Variants in SND1 observed in about 807,000 individuals in gnomAD.
The protein encoded by SND1 is staphylococcal nuclease and tudor domain containing 1.
In SND1, 38 loss-of-function variants were observed where a neutral mutation model predicts 121.7. The observed-to-expected ratio is 0.31, with a 90% CI of 0.24 to 0.41. The LOEUF is 0.41. SND1 is among the 10% of genes least tolerant of loss of function. The pLI is 1.00. For missense variants in SND1, 868 were observed against 1,184.6 expected, an observed-to-expected ratio of 0.73 and a Z score of 3.92; for synonymous variants, 401 against 447.4, an observed-to-expected ratio of 0.90 and a Z score of 1.31.
At chr7:128,039,504 C>A (rs1282593857) in intron 16 of SND1, among the ~76,000 whole-genome samples, 1 of 151,290 alleles carries the variant, frequency 6.6e-6, no homozygotes, top group African/African-American at 2.4e-5. Flanking sequence ...TTTTTTAATA[C>A]TGGAAAAATG....
At chr7:127,948,493 A>G (rs992229217) in intron 15 of SND1, among the ~76,000 whole-genome samples, 6 of 152,230 alleles carry the variant, frequency 3.9e-5, no homozygotes, top group Non-Finnish European at 1.5e-5. Flanking sequence ...GACAGCTTAG[A>G]AGACCGTCTG....
At chr7:127,985,126 C>T (rs1315721966) in intron 15 of SND1, among the ~76,000 whole-genome samples, 1 of 152,222 alleles carries the variant, frequency 6.6e-6, no homozygotes, top group Non-Finnish European at 1.5e-5. Flanking sequence ...CCACCTTCTG[C>T]ACTGACTTCC....
rs770509103 is a variant in SND1, at chr7:128,030,431, C to A, written c.1779+39375C>A. On this transcript the variant is annotated intron_variant, in intron 16 of 23. Transcript: ENST00000354725. ...ACCGGGTGTTCGAGGGAATACCCTG[C>A]GGGACCTCGGAGAGGCCCCGGCGCG... 5.0e-6 allele frequency: 8 copies of A among 1,613,790 alleles called. No individual in the cohort carries two copies. The South Asian group carries it at 8.8e-5, about 18-fold the overall frequency.
At chr7:127,789,392 GAGCCT>G (rs1797870504) in intron 10 of SND1, among the ~76,000 whole-genome samples, 1 of 152,094 alleles carries the variant, frequency 6.6e-6, no homozygotes, top group South Asian at 2.1e-4. Flanking sequence ...GCATAAATGC[GAGCCT>G]AGCCCTGTCT....
At chr7:127,915,008 A>G (rs1394327317) in intron 14 of SND1, among the ~76,000 whole-genome samples, 1 of 152,056 alleles carries the variant, frequency 6.6e-6, no homozygotes, top group Non-Finnish European at 1.5e-5. Context: ...GCAGTGGTTC[A>G]CATGCCGGTG....
At chr7:127,673,548 G>A (rs1795562799) in intron 1 of SND1, among the ~76,000 whole-genome samples, 1 of 152,186 alleles carries the variant, frequency 6.6e-6, no homozygotes, top group African/African-American at 2.4e-5. Context: ...CTGACCTCAG[G>A]TGATGGGCCC....
intron 15 of SND1, among the ~76,000 whole-genome samples, chr7:127,932,435 A>T (rs1446342564): frequency 6.6e-6 from 1 of 152,250 alleles, no homozygotes; most frequent in Non-Finnish European, 1.5e-5. Flanking sequence ...GAGCAGAGAA[A>T]GTTATTTCAT....
chr7:127,685,737 G>A (rs914340330), intron 1 of SND1, among the ~76,000 whole-genome samples: 1 of 152,098 alleles, frequency 6.6e-6, no homozygotes, highest in Non-Finnish European at 1.5e-5. Context: ...AGATTCTTAC[G>A]TTTTAATCAT....
At chr7:127,904,515 T>C (rs957087095) in intron 13 of SND1, 3 of 365,984 alleles carry the variant, frequency 8.2e-6, no homozygotes, top group Non-Finnish European at 1.0e-5. Flanking sequence ...ACACTGTTAG[T>C]GGAAACTGGC....
intron 16 of SND1, among the ~76,000 whole-genome samples, chr7:128,047,349 A>G (rs1304138051): frequency 6.6e-6 from 1 of 152,240 alleles, no homozygotes; most frequent in East Asian, 1.9e-4. Context: ...GCCCAGCTCC[A>G]TTTACAGCAG....
chr7:128,047,568 T>C (rs983745176), intron 16 of SND1, among the ~76,000 whole-genome samples: 11 of 152,358 alleles, frequency 7.2e-5, no homozygotes, highest in Non-Finnish European at 1.3e-4. Context: ...AGAACAGTGT[T>C]GGTGAATTCT....
intron 16 of SND1, among the ~76,000 whole-genome samples, chr7:128,062,914 G>A (rs1032190447): frequency 1.3e-5 from 2 of 152,206 alleles, no homozygotes; most frequent in African/African-American, 4.8e-5. Context: ...CTCGAGACCA[G>A]CACCTGGCGG....
intron 15 of SND1, among the ~76,000 whole-genome samples, chr7:127,988,399 T>C (rs1802443575): frequency 6.6e-6 from 1 of 152,242 alleles, no homozygotes; most frequent in Non-Finnish European, 1.5e-5. Context: ...AGGGCTTAAC[T>C]GCTGGGAAGT....
chr7:127,882,979 C>G (rs1799822718), intron 12 of SND1, among the ~76,000 whole-genome samples: 1 of 152,026 alleles, frequency 6.6e-6, no homozygotes, highest in African/African-American at 2.4e-5. Context: ...CAGCTAGAAA[C>G]AAAAAGAGAA....
In SND1 at chr7:127,694,973, T is replaced by G. The variant is rs1795982690; in HGVS notation, c.349+25T>G. 2.5e-6 allele frequency: 4 copies of G among 1,604,160 alleles called. No individual in the cohort carries two copies. The African/African-American group carries it at 5.4e-5, about 22-fold the overall frequency. ...GGTGAGCTGCAGGGAGAGGACTCATTTCTCTCAAGTCTAAAGTTCTGTTAA... is the reference window on the plus strand; with the variant it reads ...GGTGAGCTGCAGGGAGAGGACTCATGTCTCTCAAGTCTAAAGTTCTGTTAA... On this transcript the variant is annotated intron_variant, in intron 3 of 23. Transcript: ENST00000354725.
At chr7:127,653,139 A>G (rs913570027) in intron 1 of SND1, among the ~76,000 whole-genome samples, 1 of 152,226 alleles carries the variant, frequency 6.6e-6, no homozygotes, top group African/African-American at 2.4e-5. Flanking sequence ...CAAGAGCCCA[A>G]GTGTTCGGAT....
intron 10 of SND1, among the ~76,000 whole-genome samples, chr7:127,753,088 C>T (rs147566998): frequency 1.7e-3 from 261 of 152,230 alleles, no homozygotes; most frequent in African/African-American, 6.0e-3. Flanking sequence ...TAACTCACTC[C>T]CAGTTTTTTA....
intron 12 of SND1, among the ~76,000 whole-genome samples, chr7:127,886,756 A>G (rs1045873942): frequency 1.3e-5 from 2 of 150,412 alleles, no homozygotes; most frequent in Admixed American, 6.7e-5. Context: ...GTGTCTGCAT[A>G]TCATTTCCCA....
At chr7:128,075,183 G>T (rs986334847) in intron 17 of SND1, among the ~76,000 whole-genome samples, 1 of 143,686 alleles carries the variant, frequency 7.0e-6, no homozygotes, top group Admixed American at 7.1e-5. Context: ...TGTGGGCACC[G>T]CATTGAAGAG....
Sources: gnomAD v4.1 joint callset for allele counts (sites outside exome capture counted in the v4.1 genomes callset) on GRCh38, gnomAD v4.1.1 for gene constraint, MANE v1.5 for transcripts, NCBI Gene and HGNC (gene_info 2026-07-23, HGNC 2026-07-21) for gene names.